ASAP1: variants seen among roughly 807,000 people sequenced by gnomAD.
ASAP1 encodes the protein ArfGAP with SH3 domain, ankyrin repeat and PH domain 1, also known as arf-GAP with SH3 domain, ANK repeat and PH domain-containing protein 1.
In ASAP1, 43 loss-of-function variants were observed where a neutral mutation model predicts 145.2. The observed-to-expected ratio is 0.30, with a 90% CI of 0.23 to 0.38. The LOEUF (loss-of-function observed/expected upper bound fraction) is 0.38. Ranked by LOEUF, ASAP1 falls within the 10% of genes least tolerant of loss-of-function variation. The probability of loss-of-function intolerance (pLI) is 1.00; values close to 1 mark genes in which losing one functional copy is unlikely to be tolerated. For missense variants in ASAP1, 1,018 were observed against 1,355.3 expected (o/e 0.75, Z 3.91); for synonymous variants, 546 against 515.5 (o/e 1.06, Z -0.80).
In ASAP1 at chr8:130,432,656, T is replaced by C. The variant is rs554450606; in HGVS notation, c.-28+10804A>G. 3.9e-5 allele frequency among the ~76,000 whole-genome samples: 6 copies of C among 152,292 alleles called. No individual in the cohort carries two copies. In the South Asian group the frequency reaches 1.2e-3, roughly 32 times the overall value. On this transcript the variant is annotated intron_variant, in intron 1 of 29. Transcript: ENST00000518721. The stretch of plus-strand genomic sequence containing the variant: ...ATCCTCCCTAAGCTAGGCTCCCTCA[T>C]GGTCCCAAGATGGCTGCCACGGTTC...
chr8:130,426,053 G>C (rs1829903366), intron 1 of ASAP1, among the ~76,000 whole-genome samples: 1 of 152,204 alleles, frequency 6.6e-6, no homozygotes, highest in Non-Finnish European at 1.5e-5. Flanking sequence ...AGGTAGAACT[G>C]TAATTCCCAG....
intron 2 of ASAP1, among the ~76,000 whole-genome samples, chr8:130,372,286 G>A (rs1458841261): frequency 6.6e-6 from 1 of 152,174 alleles, no homozygotes; most frequent in East Asian, 1.9e-4. Context: ...GAGGAGACAA[G>A]GCAGATTCCA....
At chr8:130,300,139 C>CAG (rs1822540827) in intron 3 of ASAP1, among the ~76,000 whole-genome samples, 1 of 118,510 alleles carries the variant, frequency 8.4e-6, no homozygotes, top group African/African-American at 3.8e-5. Flanking sequence ...CACACACACA[C>CAG]ACACACACAC....
intron 13 of ASAP1, among the ~76,000 whole-genome samples, chr8:130,145,416 C>T (rs1387510152): frequency 6.6e-6 from 1 of 152,022 alleles, no homozygotes; most frequent in Non-Finnish European, 1.5e-5. Flanking sequence ...CTCCTGGGTT[C>T]AAGCGATTCT....
At chr8:130,083,898 T>A (rs1371242709) in intron 25 of ASAP1, 2 of 152,234 alleles carry the variant, frequency 1.3e-5, no homozygotes, top group Non-Finnish European at 2.9e-5. Flanking sequence ...GGTTCACTGA[T>A]TCTCCTGCCT....
At chr8:130,381,000 C>T (rs1176922549) in intron 2 of ASAP1, among the ~76,000 whole-genome samples, 1 of 152,190 alleles carries the variant, frequency 6.6e-6, no homozygotes, top group Non-Finnish European at 1.5e-5. Flanking sequence ...TCTCCCACTT[C>T]AGCCTCCCAG....
At chr8:130,364,413 G>T (rs2138223070) in intron 2 of ASAP1, among the ~76,000 whole-genome samples, 1 of 152,348 alleles carries the variant, frequency 6.6e-6, no homozygotes, top group East Asian at 1.9e-4. Flanking sequence ...AGCAGGTACT[G>T]TATTATTCCC....
At chr8:130,378,000 T>C (rs1378726437) in intron 2 of ASAP1, among the ~76,000 whole-genome samples, 1 of 152,240 alleles carries the variant, frequency 6.6e-6, no homozygotes, top group South Asian at 2.1e-4. Context: ...GAGACAGCCA[T>C]GTAAACAGAC....
intron 4 of ASAP1, among the ~76,000 whole-genome samples, chr8:130,235,281 C>T (rs1818147845): frequency 6.6e-6 from 1 of 152,016 alleles, no homozygotes; most frequent in Admixed American, 6.6e-5. Context: ...AGTGAACCTC[C>T]TTGTATATAA....
chr8:130,393,104 T>C (rs2138499851), intron 2 of ASAP1, among the ~76,000 whole-genome samples: 1 of 152,362 alleles, frequency 6.6e-6, no homozygotes, highest in East Asian at 1.9e-4. Flanking sequence ...CCCTAATTTG[T>C]TTTTCATCCT....
At chr8:130,194,953 C>T (rs1254436001) in intron 5 of ASAP1, among the ~76,000 whole-genome samples, 2 of 152,086 alleles carry the variant, frequency 1.3e-5, no homozygotes, top group African/African-American at 2.4e-5. Flanking sequence ...ACAATACAGC[C>T]GACATAATAC....
Position 130,054,553 on chromosome 8 carries a change from C to G in ASAP1, c.*178G>C. 1 of 560,808 alleles carries G rather than the reference C, an allele frequency of 1.8e-6. No homozygotes were observed. The highest frequency in any genetic ancestry group is 3.2e-6 in the Non-Finnish European group (1 of 308,088). The allele number at this position is 560,808 out of a possible 1,614,324, so 34.7% of individuals were successfully genotyped here. ...CGCCGGGTCCGAGGCTACCCTCATACTGGTGAAGGCAGAAAACCACAGGAT... is the reference window on the plus strand; with the variant it reads ...CGCCGGGTCCGAGGCTACCCTCATAGTGGTGAAGGCAGAAAACCACAGGAT... On this transcript the variant is annotated 3_prime_UTR_variant, in exon 30 of 30. Transcript: ENST00000518721.
intron 3 of ASAP1, among the ~76,000 whole-genome samples, chr8:130,237,999 T>C (rs1157323299): frequency 6.6e-6 from 1 of 152,056 alleles, no homozygotes; most frequent in Admixed American, 6.6e-5. Flanking sequence ...CTCACATCCA[T>C]TACATCATCT....
chr8:130,285,546 A>G (rs890128981), intron 3 of ASAP1, among the ~76,000 whole-genome samples: 1 of 152,232 alleles, frequency 6.6e-6, no homozygotes, highest in Non-Finnish European at 1.5e-5. Flanking sequence ...AATTACTGAA[A>G]TGAAGAGAGT....
chr8:130,333,236 A>G (rs1824810468), intron 3 of ASAP1, among the ~76,000 whole-genome samples: 1 of 152,226 alleles, frequency 6.6e-6, no homozygotes, highest in South Asian at 2.1e-4. Flanking sequence ...ATTATAAACC[A>G]ACATGTTTTA....
At chr8:130,170,731 ATCTCTCTC>A (rs140376720) in intron 9 of ASAP1, among the ~76,000 whole-genome samples, 1 of 149,816 alleles carries the variant, frequency 6.7e-6, no homozygotes, top group East Asian at 2.0e-4. Flanking sequence ...GTAAAGCCTC[ATCTCTCTC>A]TCTCTCTCTC....
chr8:130,395,794 G>T (rs983855181), intron 2 of ASAP1, among the ~76,000 whole-genome samples: 4 of 151,910 alleles, frequency 2.6e-5, no homozygotes, highest in African/African-American at 9.7e-5. Flanking sequence ...AGCCTCCCGA[G>T]GGGCTGGGAT....
At chr8:130,397,963 C>T (rs1272956329) in intron 2 of ASAP1, among the ~76,000 whole-genome samples, 1 of 152,156 alleles carries the variant, frequency 6.6e-6, no homozygotes, top group Non-Finnish European at 1.5e-5. Context: ...GTTACTGGCA[C>T]ATAAGTAATA....
In ASAP1 at chr8:130,264,373, T is replaced by TCAGGC. The variant is rs537903244; in HGVS notation, c.187-27384_187-27380dup. On this transcript the variant is annotated intron_variant, in intron 3 of 29. Transcript: ENST00000518721. ...CACTCTGTCCAGATGGACACGACTCTCAGGCCAGCCAAGTCCTCTCAGTCA... is the reference window on the plus strand; with the variant it reads ...CACTCTGTCCAGATGGACACGACTCTCAGGCCAGGCCAGCCAAGTCCTCTCAGTCA... 7.2e-5 allele frequency among the ~76,000 whole-genome samples: 11 copies of TCAGGC among 152,278 alleles called. 1 individual carries two copies. In the South Asian group the frequency reaches 2.3e-3, roughly 32 times the overall value.
Sources: allele counts gnomAD v4.1 joint callset (sites outside exome capture counted in the v4.1 genomes callset), GRCh38; gene constraint gnomAD v4.1.1; transcripts MANE v1.5; gene names NCBI Gene and HGNC (gene_info 2026-07-23, HGNC 2026-07-21).